DPY19L2: variants seen among roughly 807,000 people sequenced by gnomAD.
The protein encoded by DPY19L2 is dpy-19 like 2.
A neutral mutation model predicts 97.9 loss-of-function variants in DPY19L2; 34 were observed. The observed-to-expected ratio is 0.35, with a 90% confidence interval of 0.26 to 0.46. The LOEUF is 0.46. Ranked by LOEUF, DPY19L2 falls within the 20% of genes least tolerant of loss-of-function variation. DPY19L2 has a pLI of 1.00. For synonymous variants in DPY19L2, 230 were observed against 307.9 expected (o/e 0.75, Z 2.65); for missense variants, 623 against 911.4 (o/e 0.68, Z 4.07).
chr12:63,629,337 C>T (rs1422921152), intron 6 of DPY19L2, among the ~76,000 whole-genome samples: 2 of 151,950 alleles, frequency 1.3e-5, no homozygotes, highest in Non-Finnish European at 2.9e-5. Context: ...AGACGAATGG[C>T]TAACTAGAAT....
At chr12:63,566,477 C>T (rs960359590) in intron 21 of DPY19L2, among the ~76,000 whole-genome samples, 2 of 151,606 alleles carry the variant, frequency 1.3e-5, no homozygotes, top group Admixed American at 6.6e-5. Context: ...CCTAACCCCT[C>T]GCAACCACAA....
chr12:63,634,716 C>T (rs955320254), intron 6 of DPY19L2, among the ~76,000 whole-genome samples: 9 of 152,118 alleles, frequency 5.9e-5, no homozygotes, highest in Admixed American at 2.0e-4. Context: ...AACTGCAAGG[C>T]GGCAGTGAGG....
chr12:63,578,593 T>C (rs1285318483), intron 19 of DPY19L2, among the ~76,000 whole-genome samples: 2 of 152,120 alleles, frequency 1.3e-5, no homozygotes, highest in African/African-American at 4.8e-5. Flanking sequence ...ACCTGCTCTG[T>C]ACCCACATAA....
In DPY19L2 at chr12:63,668,043, T is replaced by A. The variant is rs749093338; in HGVS notation, c.337+14A>T. Reference sequence around the variant, plus strand: ...ATGCGGCTCCCTCCTAGGGCTCTCCTGCCCTCTCCTCACCGATGCCGAGAG... The same window carrying A: ...ATGCGGCTCCCTCCTAGGGCTCTCCAGCCCTCTCCTCACCGATGCCGAGAG... On this transcript the variant is annotated intron_variant, in intron 1 of 21. Transcript: ENST00000324472. 4.3e-6 allele frequency: 7 copies of A among 1,611,614 alleles called. No individual in the cohort carries two copies. The highest frequency in any genetic ancestry group is 1.7e-6 in the Non-Finnish European group (2 of 1,178,858).
intron 11 of DPY19L2, 92 bp downstream of exon 11, chr12:63,617,212 A>T: frequency 1.5e-6 from 1 of 681,898 alleles, no homozygotes; most frequent in Non-Finnish European, 2.5e-6. Context: ...TAATCAGGAA[A>T]GGGCCTATTT....
intron 21 of DPY19L2, among the ~76,000 whole-genome samples, chr12:63,565,606 T>C (rs1396257637): frequency 1.3e-5 from 2 of 152,158 alleles, no homozygotes; most frequent in East Asian, 3.8e-4. Context: ...TAATTCACAA[T>C]TTCTGGGAAT....
rs1215720050 is a variant in DPY19L2 at position 63,621,032 on chromosome 12, C to T, written c.1053+206G>A. On this transcript the variant is annotated intron_variant, in intron 9 of 21. Transcript: ENST00000324472. ...TACATGGACACAGGGAGAGGAACAA[C>T]ACACACTGGGGCCTGTCAAGGGATG... Among the ~76,000 whole-genome samples the T allele has an allele frequency of 4.0e-5, 6 of 151,530 alleles. No individual in the cohort carries two copies. The South Asian group carries it at 1.0e-3, about 27-fold the overall frequency.
chr12:63,649,850 G>A (rs1893944888), intron 4 of DPY19L2, among the ~76,000 whole-genome samples: 4 of 152,118 alleles, frequency 2.6e-5, no homozygotes, highest in Admixed American at 2.6e-4. Context: ...ATGCCAAAAT[G>A]TGGCAAAGCC....
intron 5 of DPY19L2, among the ~76,000 whole-genome samples, chr12:63,646,421 C>CTA (rs1808308780): frequency 6.6e-6 from 1 of 152,006 alleles, no homozygotes; most frequent in Non-Finnish European, 1.5e-5. Flanking sequence ...CTCATCAATT[C>CTA]TATTTTTACT....
chr12:63,651,238 T>C (rs960062900), intron 4 of DPY19L2, among the ~76,000 whole-genome samples: 2 of 152,050 alleles, frequency 1.3e-5, no homozygotes, highest in East Asian at 1.9e-4. Flanking sequence ...CTTTTCCCCA[T>C]ACACAAAAAT....
At chr12:63,591,561 T>C (rs1276000075) in intron 16 of DPY19L2, among the ~76,000 whole-genome samples, 4 of 152,174 alleles carry the variant, frequency 2.6e-5, no homozygotes, top group Admixed American at 2.6e-4. Context: ...TGTAGCAATT[T>C]ACTTATGTGT....
Position 63,591,984 on chromosome 12 carries a change from G to A in DPY19L2, c.1580+2103C>T, listed in dbSNP as rs1358371354. Among the ~76,000 whole-genome samples the A allele has an allele frequency of 2.3e-3, 122 of 52,796 alleles. 1 individual carries two copies. Among genetic ancestry groups the A allele is most frequent in the African/African-American group, 0.013 (116 of 8,984 alleles). The allele number at this position is 52,796 out of a possible 152,430, so 34.6% of individuals were successfully genotyped here. ...AAGAAAAGAAAAGAAAAGAGGGGAA[G>A]GGAAGGGAAGGGAGGGGAAGGGAGG... On this transcript the variant is annotated intron_variant, in intron 16 of 21. Transcript: ENST00000324472.
At chr12:63,622,763 TA>T in intron 8 of DPY19L2, among the ~76,000 whole-genome samples, 1 of 151,936 alleles carries the variant, frequency 6.6e-6, no homozygotes, top group East Asian at 1.9e-4. Flanking sequence ...CTGCCTCTAC[TA>T]AAAATACAAA....
chr12:63,575,451 A>G (rs4044657), intron 19 of DPY19L2, among the ~76,000 whole-genome samples: 107,729 of 151,414 alleles, frequency 0.71, 39,235 homozygotes, highest in African/African-American at 0.86. Context: ...TAAGAGAAAT[A>G]AAATAATAAA....
chr12:63,566,294 C>T (rs866691103), intron 21 of DPY19L2, among the ~76,000 whole-genome samples: 7 of 152,140 alleles, frequency 4.6e-5, no homozygotes, highest in Non-Finnish European at 1.0e-4. Context: ...ATACAAGTAG[C>T]TCTTGTACAG....
chr12:63,572,035 A>G (rs562492439), intron 19 of DPY19L2, among the ~76,000 whole-genome samples: 33 of 152,314 alleles, frequency 2.2e-4, no homozygotes, highest in Non-Finnish European at 4.4e-4. Flanking sequence ...ATAATGATCT[A>G]CACAAAAAGC....
chr12:63,652,840 C>G (rs60789597), intron 4 of DPY19L2, among the ~76,000 whole-genome samples: 2,722 of 152,154 alleles, frequency 0.018, 104 homozygotes, highest in African/African-American at 0.062. Flanking sequence ...TATTACCTGG[C>G]TGCCAAAATA....
chr12:63,633,430 A>C (rs1891075117), intron 6 of DPY19L2, among the ~76,000 whole-genome samples: 1 of 152,224 alleles, frequency 6.6e-6, no homozygotes, highest in Non-Finnish European at 1.5e-5. Context: ...TCTCAAAAGA[A>C]GACATTTATG....
Position 63,582,497 on chromosome 12 carries a change from A to G in DPY19L2, c.1634T>C (p.Val545Ala), listed in dbSNP as rs778182769. ...ELAFHTLQLL[V>A]FTALAILIMR... ...AATTAAAATGGCAAGGGCAGTAAACACTAACAACTGCAATGTGTGAAAAGC... is the reference window on the plus strand; with the variant it reads ...AATTAAAATGGCAAGGGCAGTAAACGCTAACAACTGCAATGTGTGAAAAGC... The change falls in exon 18 of 22, where the codon GTG (valine) becomes GCG (alanine). Residue 545 changes from valine to alanine, a missense_variant. Val to Ala is a moderately conservative substitution (Grantham distance 64). Coordinates refer to ENST00000324472, the MANE Select transcript of DPY19L2 (RefSeq NM_173812.5). The G allele has an allele frequency of 6.2e-7, 1 of 1,613,398 alleles. No homozygotes were observed. Among genetic ancestry groups the G allele is most frequent in the Non-Finnish European group, 8.5e-7 (1 of 1,179,566 alleles).
Sources: allele counts gnomAD v4.1 joint callset (sites outside exome capture counted in the v4.1 genomes callset), GRCh38; gene constraint gnomAD v4.1.1; transcripts MANE v1.5; gene names NCBI Gene and HGNC (gene_info 2026-07-23, HGNC 2026-07-21).